SCYGR5: variants seen among roughly 807,000 people sequenced by gnomAD.
The protein encoded by SCYGR5 is small cysteine and glycine repeat-containing protein 5.
rs898714642 is a variant in SCYGR5, at chr2:227,666,957, C to T, written c.154C>T (p.Pro52Ser). 38 of 394,954 alleles carry T rather than the reference C, an allele frequency of 9.6e-5. 1 individual carries two copies. The East Asian group carries it at 1.4e-3, about 14-fold the overall frequency. The allele number at this position is 394,954 out of a possible 1,614,324, so 24.5% of individuals were successfully genotyped here. A position where few individuals can be genotyped will look rare whatever the true frequency, so the allele number is the denominator to read the frequency against. Residue 52 changes from proline (P) to serine (S), a missense_variant, in exon 1 of 1, where the codon CCT (proline) becomes TCT (serine). Coordinates refer to ENST00000641976, the Ensembl canonical transcript of SCYGR5. ...CTGCTGTGGGGGCTGCTGCAGCACA[C>T]CTGTGATCTGCTGCTGCCGCCGCAC...
exon 1 of SCYGR5, chr2:227,666,853 G>A (rs1310851268): frequency 1.5e-5 from 6 of 400,422 alleles, no homozygotes; most frequent in Non-Finnish European, 2.6e-5. Flanking sequence ...GGCGGCTGTG[G>A]TGGTGGCTGT....
At chr2:227,666,897 G>A in exon 1 of SCYGR5, 1 of 399,500 alleles carries the variant, frequency 2.5e-6, no homozygotes, top group Non-Finnish European at 4.4e-6. Flanking sequence ...CTACCGGGTG[G>A]GCTGCTGCTC....
chr2:227,666,941 G>A (rs35503544), exon 1 of SCYGR5: 50,853 of 395,338 alleles, frequency 0.13, 3,567 homozygotes, highest in Middle Eastern at 0.18. Context: ...GCTGCTGTGG[G>A]GGCTGCTGCA....
At chr2:227,666,972 T>TGCC (rs1046895539) in exon 1 of SCYGR5, 6 of 394,950 alleles carry the variant, frequency 1.5e-5, no homozygotes, top group Non-Finnish European at 2.7e-5. Context: ...GATCTGCTGC[T>TGCC]GCCGCCGCAC....
chr2:227,666,994 G>A (rs968640750), exon 1 of SCYGR5: 2 of 399,128 alleles, frequency 5.0e-6, no homozygotes, highest in Non-Finnish European at 8.8e-6. Flanking sequence ...TGCTGCTCAT[G>A]TGGCTGCGGC....
chr2:227,666,948 T>G (rs1694714439), exon 1 of SCYGR5: 2 of 394,976 alleles, frequency 5.1e-6, no homozygotes, highest in Admixed American at 4.4e-5. Context: ...TGGGGGCTGC[T>G]GCAGCACACC....
exon 1 of SCYGR5, chr2:227,667,022 C>T (rs912636690): frequency 5.0e-6 from 2 of 399,130 alleles, no homozygotes; most frequent in African/African-American, 2.1e-5. Flanking sequence ...AGGGCTGTTG[C>T]CAGCAGAAAG....
rs564290684 is a variant in SCYGR5 at position 227,666,975 on chromosome 2, C to T, written c.172C>T (p.Arg58Cys). 1.7e-3 allele frequency: 687 copies of T among 394,992 alleles called. 5 individuals are homozygous for T. The highest frequency in any genetic ancestry group is 5.5e-3 in the East Asian group (155 of 28,070). 24.5% of individuals were successfully genotyped at this position (394,992 alleles called of 1,614,324 possible). A position where few individuals can be genotyped will look rare whatever the true frequency, so the allele number is the denominator to read the frequency against. ...CAGCACACCTGTGATCTGCTGCTGCCGCCGCACCTGCTGCTCATGTGGCTG... is the reference window on the plus strand; with the variant it reads ...CAGCACACCTGTGATCTGCTGCTGCTGCCGCACCTGCTGCTCATGTGGCTG... The change falls in exon 1 of 1, where the codon CGC becomes TGC. Residue 58 changes from arginine to cysteine, a missense_variant. By Grantham distance (180) the Arg-to-Cys change is radical. Coordinates refer to ENST00000641976, the Ensembl canonical transcript of SCYGR5.
exon 1 of SCYGR5, chr2:227,666,928 G>A (rs911541878): frequency 7.5e-6 from 3 of 398,744 alleles, no homozygotes; most frequent in Non-Finnish European, 1.3e-5. Flanking sequence ...CCCTGCTGCC[G>A]CGGCTGCTGT....
rs139811121 is a variant in SCYGR5, at chr2:227,666,825, G to A, written c.22G>A (p.Gly8Ser). 1.2e-3 allele frequency: 469 copies of A among 392,610 alleles called. 3 individuals are homozygous for A. The highest frequency in any genetic ancestry group is 9.7e-3 in the African/African-American group (406 of 41,764). 24.3% of individuals were successfully genotyped at this position (392,610 alleles called of 1,614,324 possible). A position where few individuals can be genotyped will look rare whatever the true frequency, so the allele number is the denominator to read the frequency against. The change falls in exon 1 of 1, where the codon GGT becomes AGT. Residue 8 changes from glycine (G) to serine (S), a missense_variant. By Grantham distance (56) the Gly-to-Ser change is moderately conservative. Coordinates refer to ENST00000641976, the Ensembl canonical transcript of SCYGR5. The stretch of plus-strand genomic sequence containing the variant: ...CACCATGGGTTGCTGTGGTTGTGGA[G>A]GTTGTGGTGGCTGCGGTGGCGGCTG...
In SCYGR5 at chr2:227,667,023, C is replaced by T. The variant is rs1334533520; in HGVS notation, c.220C>T (p.Gln74Ter). The change falls in exon 1 of 1, where the codon CAG (glutamine) becomes TAG (stop). Residue 74 changes from glutamine to a stop codon, truncating the protein, a stop_gained. Transcript: ENST00000641976. LOFTEE classifies it high-confidence loss of function. ...CTGCGGCTGTGGGAAGGGCTGTTGC[C>T]AGCAGAAAGGCTGCTGCCAGAAGCA... 2 of 399,154 alleles carry T rather than the reference C, an allele frequency of 5.0e-6. No individual in the cohort carries two copies. Among genetic ancestry groups the T allele is most frequent in the Non-Finnish European group, 8.8e-6 (2 of 226,614 alleles). The allele number at this position is 399,154 out of a possible 1,614,324, so 24.7% of individuals were successfully genotyped here.
exon 1 of SCYGR5, chr2:227,667,031 A>G (rs542876121): frequency 0.1 from 40,549 of 398,988 alleles, 2,814 homozygotes; most frequent in African/African-American, 0.25. Flanking sequence ...GCCAGCAGAA[A>G]GGCTGCTGCC....
exon 1 of SCYGR5, chr2:227,666,962 G>C: frequency 2.5e-6 from 1 of 395,048 alleles, no homozygotes; most frequent in Non-Finnish European, 4.4e-6. Context: ...GCACACCTGT[G>C]ATCTGCTGCT....
At chr2:227,666,869 C>A (rs182311509) in exon 1 of SCYGR5, 22 of 400,566 alleles carry the variant, frequency 5.5e-5, no homozygotes, top group Non-Finnish European at 7.9e-5. Flanking sequence ...GCTGTGGCAG[C>A]TGCACCACCT....
rs370474056 is a variant in SCYGR5 at position 227,667,006 on chromosome 2, G to A, written c.203G>A (p.Cys68Tyr). The stretch of plus-strand genomic sequence containing the variant: ...ACCTGCTGCTCATGTGGCTGCGGCT[G>A]TGGGAAGGGCTGTTGCCAGCAGAAA... Residue 68 changes from cysteine to tyrosine, a missense_variant, in exon 1 of 1, where the codon TGT (cysteine) becomes TAT (tyrosine). Physicochemically the swap from Cys to Tyr is radical, Grantham distance 194. Transcript: ENST00000641976. 268 of 399,308 alleles carry A rather than the reference G, an allele frequency of 6.7e-4. 1 individual carries two copies. In the East Asian group the frequency reaches 9.2e-3, roughly 14 times the overall value. The allele number at this position is 399,308 out of a possible 1,614,324, so 24.7% of individuals were successfully genotyped here. A position where few individuals can be genotyped will look rare whatever the true frequency, so the allele number is the denominator to read the frequency against.
At chr2:227,666,843 G>A (rs1269452662) in exon 1 of SCYGR5, 1 of 400,252 alleles carries the variant, frequency 2.5e-6, no homozygotes, top group East Asian at 3.6e-5. Context: ...TGGCTGCGGT[G>A]GCGGCTGTGG....
chr2:227,666,808 G>T, exon 1 of SCYGR5: 1 of 400,232 alleles, frequency 2.5e-6, no homozygotes, highest in Non-Finnish European at 4.4e-6. Flanking sequence ...GACACCATGG[G>T]TTGCTGTGGT....
chr2:227,666,845 C>CGGCTGTGGTGGT (rs1553564562), exon 1 of SCYGR5: 30 of 398,946 alleles, frequency 7.5e-5, no homozygotes, highest in African/African-American at 5.1e-4. Flanking sequence ...GCTGCGGTGG[C>CGGCTGTGGTGGT]GGCTGTGGTG....
rs995680635 is a variant in SCYGR5, at chr2:227,666,846, G to C, written c.43G>C (p.Gly15Arg). 1.5e-5 allele frequency: 6 copies of C among 391,636 alleles called. No individual in the cohort carries two copies. The South Asian group carries it at 5.0e-4, about 33-fold the overall frequency. 24.3% of individuals were successfully genotyped at this position (391,636 alleles called of 1,614,324 possible). A position where few individuals can be genotyped will look rare whatever the true frequency, so the allele number is the denominator to read the frequency against. The change falls in exon 1 of 1, where the codon GGC (glycine) becomes CGC (arginine). Residue 15 changes from glycine to arginine, a missense_variant. Coordinates refer to ENST00000641976, the Ensembl canonical transcript of SCYGR5. Reference sequence around the variant, plus strand: ...TGGAGGTTGTGGTGGCTGCGGTGGCGGCTGTGGTGGTGGCTGTGGCAGCTG... The same window carrying C: ...TGGAGGTTGTGGTGGCTGCGGTGGCCGCTGTGGTGGTGGCTGTGGCAGCTG...
Sources: gnomAD v4.1 joint callset for allele counts on GRCh38, gnomAD v4.1.1 for gene constraint, MANE v1.5 for transcripts, NCBI Gene and HGNC (gene_info 2026-07-23, HGNC 2026-07-21) for gene names.